Variants in SSBP2 observed in about 807,000 individuals in gnomAD.
SSBP2 encodes single stranded DNA binding protein 2, also known as single-stranded DNA-binding protein 2.
Under a neutral mutation model 61.8 loss-of-function variants are expected in SSBP2, and 17 were observed. That is an observed-to-expected ratio of 0.28 (90% CI 0.19 to 0.41). The LOEUF (loss-of-function observed/expected upper bound fraction) is 0.41. SSBP2 is among the 10% of genes least tolerant of loss of function. The pLI, the probability that SSBP2 is intolerant of heterozygous loss-of-function variation, is 1.00. For synonymous variants in SSBP2, 139 were observed against 141.3 expected, an observed-to-expected ratio of 0.98 and a Z score of 0.12; for missense variants, 310 against 458.7, an observed-to-expected ratio of 0.68 and a Z score of 2.96.
chr5:81,649,058 G>A (rs1332444119), intron 2 of SSBP2, among the ~76,000 whole-genome samples: 1 of 151,994 alleles, frequency 6.6e-6, no homozygotes, highest in Non-Finnish European at 1.5e-5. Flanking sequence ...ATATTGGACA[G>A]CACAGATATA....
At chr5:81,741,276 T>C (rs1199646274) in intron 1 of SSBP2, among the ~76,000 whole-genome samples, 1 of 152,178 alleles carries the variant, frequency 6.6e-6, no homozygotes, top group Non-Finnish European at 1.5e-5. Context: ...ATACCTCGAA[T>C]AGTCAAATTC....
At chr5:81,464,441 G>C (rs1242368354) in intron 9 of SSBP2, among the ~76,000 whole-genome samples, 1 of 152,124 alleles carries the variant, frequency 6.6e-6, no homozygotes, top group Non-Finnish European at 1.5e-5. Context: ...AACATAGAAA[G>C]TAAGTTTTTC....
chr5:81,505,361 C>A (rs1768101211), intron 5 of SSBP2, among the ~76,000 whole-genome samples: 1 of 152,120 alleles, frequency 6.6e-6, no homozygotes, highest in African/African-American at 2.4e-5. Flanking sequence ...TGAACGCTAC[C>A]TTGTAATAAG....
intron 4 of SSBP2, among the ~76,000 whole-genome samples, chr5:81,567,522 C>G (rs1477736577): frequency 6.6e-6 from 1 of 152,230 alleles, no homozygotes; most frequent in East Asian, 1.9e-4. Flanking sequence ...TGGAGAACCT[C>G]TGCTAGGGCA....
At chr5:81,651,379 T>C (rs538383272) in intron 1 of SSBP2, among the ~76,000 whole-genome samples, 1 of 152,176 alleles carries the variant, frequency 6.6e-6, no homozygotes, top group Non-Finnish European at 1.5e-5. Context: ...AAACATATCA[T>C]GCATCTGTCA....
rs537363119 is a variant in SSBP2 at position 81,455,625 on chromosome 5, C to CAAAAAAAA, written c.687+5422_687+5429dup. ...TGGGCGACAGAGCGAGACTCCGTCT[C>CAAAAAAAA]AAAAAAAAAAAAAAAAAAAAAAAAA... On this transcript the variant is annotated intron_variant, in intron 10 of 16. Coordinates refer to ENST00000320672, the MANE Select transcript of SSBP2 (RefSeq NM_012446.5). 1.0e-3 allele frequency among the ~76,000 whole-genome samples: 13 copies of CAAAAAAAA among 12,574 alleles called. 1 individual carries two copies. The highest frequency in any genetic ancestry group is 1.4e-3 in the Non-Finnish European group (13 of 9,496). 8.2% of individuals were successfully genotyped at this position (12,574 alleles called of 152,430 possible).
Position 81,491,714 on chromosome 5 carries a change from C to CA in SSBP2, c.373-2406dup, listed in dbSNP as rs1296603708. ...CAAATTTGTATGTTTTTTTGGAGGC[C>CA]AAAAAAAAAGAAATAGAAAACCACT... On this transcript the variant is annotated intron_variant, in intron 5 of 16. Transcript: ENST00000320672. 4.1e-4 allele frequency among the ~76,000 whole-genome samples: 60 copies of CA among 146,374 alleles called. No individual in the cohort carries two copies. The South Asian group carries it at 7.1e-3, about 17-fold the overall frequency.
intron 4 of SSBP2, among the ~76,000 whole-genome samples, chr5:81,542,613 A>G (rs1386889810): frequency 7.1e-6 from 1 of 140,046 alleles, no homozygotes; most frequent in Non-Finnish European, 1.6e-5. Context: ...CTATGCATCC[A>G]CAAAAAAGAA....
At chr5:81,469,629 G>A (rs1765117228) in intron 8 of SSBP2, among the ~76,000 whole-genome samples, 1 of 151,930 alleles carries the variant, frequency 6.6e-6, no homozygotes, top group Non-Finnish European at 1.5e-5. Flanking sequence ...TATACCCAGT[G>A]TTCATGTATG....
chr5:81,557,176 C>A (rs4274955), intron 4 of SSBP2, among the ~76,000 whole-genome samples: 69,703 of 152,056 alleles, frequency 0.46, 20,450 homozygotes, highest in African/African-American at 0.84. Context: ...ACTGTCTTCT[C>A]ATTTGCATTA....
chr5:81,428,075 G>A (rs771096715), intron 16 of SSBP2, among the ~76,000 whole-genome samples: 2 of 152,068 alleles, frequency 1.3e-5, no homozygotes, highest in Non-Finnish European at 2.9e-5. Flanking sequence ...TTTTGGTTCT[G>A]TCTACTTCTA....
intron 4 of SSBP2, among the ~76,000 whole-genome samples, chr5:81,599,050 G>A (rs981824923): frequency 6.6e-6 from 1 of 152,138 alleles, no homozygotes; most frequent in East Asian, 1.9e-4. Flanking sequence ...TCTGGGAAAA[G>A]TAACAGTCTT....
At chr5:81,718,668 G>A (rs1466121555) in intron 1 of SSBP2, among the ~76,000 whole-genome samples, 1 of 152,172 alleles carries the variant, frequency 6.6e-6, no homozygotes, top group East Asian at 1.9e-4. Context: ...ATTAACACAA[G>A]TAAGATAAGA....
intron 4 of SSBP2, among the ~76,000 whole-genome samples, chr5:81,588,892 T>C (rs1189517881): frequency 6.6e-6 from 1 of 152,084 alleles, no homozygotes; most frequent in Non-Finnish European, 1.5e-5. Flanking sequence ...GATAAAACCC[T>C]TTCTTTACAA....
chr5:81,466,996 G>C lies in SSBP2; in HGVS notation c.616C>G (p.Pro206Ala). The C allele has an allele frequency of 1.2e-6, 2 of 1,608,222 alleles. No homozygotes were observed. The highest frequency in any genetic ancestry group is 1.7e-6 in the Non-Finnish European group (2 of 1,176,060). ...TACATGTTCATTCCAGGCATTCCAG[G>C]GCCACCTAAAGCATTCAGTGGGGGT... The change falls in exon 9 of 17, where the codon CCT (proline) becomes GCT (alanine). Residue 206 changes from proline to alanine, a missense_variant. By Grantham distance (27) the Pro-to-Ala change is conservative. Coordinates refer to ENST00000320672, the MANE Select transcript of SSBP2 (RefSeq NM_012446.5).
intron 5 of SSBP2, among the ~76,000 whole-genome samples, chr5:81,496,794 TTTGTAACACCCTGCCATAGGA>T (rs531443655): frequency 1.2e-3 from 183 of 152,332 alleles, no homozygotes; most frequent in African/African-American, 4.3e-3. Flanking sequence ...TCTTCTTTTC[TTTGTAACACCCTGCCATAGGA>T]ATACCTTTAG....
intron 4 of SSBP2, among the ~76,000 whole-genome samples, chr5:81,528,228 G>T (rs902409317): frequency 6.6e-6 from 1 of 152,104 alleles, no homozygotes; most frequent in African/African-American, 2.4e-5. Context: ...GATATGTTTT[G>T]TTTCTGGCTA....
At chr5:81,688,694 C>G (rs1388263541) in intron 1 of SSBP2, among the ~76,000 whole-genome samples, 1 of 152,212 alleles carries the variant, frequency 6.6e-6, no homozygotes, top group African/African-American at 2.4e-5. Context: ...GCAAGAACCA[C>G]AGCTTTATTG....
chr5:81,688,999 T>C (rs1021996030), intron 1 of SSBP2, among the ~76,000 whole-genome samples: 8 of 151,998 alleles, frequency 5.3e-5, no homozygotes, highest in African/African-American at 1.9e-4. Context: ...GAACTCAGAA[T>C]GTTATCAGAT....
Sources: gnomAD v4.1 joint callset for allele counts (sites outside exome capture counted in the v4.1 genomes callset) on GRCh38, gnomAD v4.1.1 for gene constraint, MANE v1.5 for transcripts, NCBI Gene and HGNC (gene_info 2026-07-23, HGNC 2026-07-21) for gene names.